Variants in PDE3A observed in about 807,000 individuals in gnomAD.
The protein encoded by PDE3A is cGMP-inhibited 3',5'-cyclic phosphodiesterase 3A.
PDE3A carries 43 observed loss-of-function variants against 98.3 expected under a neutral mutation model. That is an observed-to-expected ratio of 0.44 (90% confidence interval 0.34 to 0.56). The LOEUF (loss-of-function observed/expected upper bound fraction) is 0.56, where lower values mean the gene tolerates loss of function less well. Ranked by LOEUF, PDE3A falls within the 20% of genes least tolerant of loss-of-function variation. The pLI is 0.01. For synonymous variants in PDE3A, 663 were observed against 567.9 expected, an observed-to-expected ratio of 1.17 and a Z score of -2.38; for missense variants, 1,427 against 1,440.7, an observed-to-expected ratio of 0.99 and a Z score of 0.15.
At chr12:20,623,300 G>C (rs901396633) in intron 5 of PDE3A, among the ~76,000 whole-genome samples, 4 of 151,998 alleles carry the variant, frequency 2.6e-5, no homozygotes, top group African/African-American at 9.7e-5. Flanking sequence ...AAAATACTTA[G>C]GTGAAGCCTA....
At chr12:20,383,564 C>T (rs1283059545) in intron 1 of PDE3A, among the ~76,000 whole-genome samples, 1 of 151,938 alleles carries the variant, frequency 6.6e-6, no homozygotes, top group Non-Finnish European at 1.5e-5. Context: ...CAGATTTTTC[C>T]ACTTATTGAA....
Position 20,608,705 on chromosome 12 carries a change from C to A in PDE3A, c.1012-4738C>A, listed in dbSNP as rs376088359. On this transcript the variant is annotated intron_variant, in intron 2 of 15. Transcript: ENST00000359062. The stretch of plus-strand genomic sequence containing the variant: ...ATAAAATGTATTATAAAAAGACACA[C>A]AATTTGATAATTATAAAAAAACTTG... Among the ~76,000 whole-genome samples, 18 of 152,062 alleles carry A rather than the reference C, an allele frequency of 1.2e-4. No homozygotes were observed. The South Asian group carries it at 3.5e-3, about 30-fold the overall frequency.
At chr12:20,609,476 C>G (rs181712479) in intron 2 of PDE3A, among the ~76,000 whole-genome samples, 220 of 151,960 alleles carry the variant, frequency 1.4e-3, no homozygotes, top group African/African-American at 4.9e-3. Flanking sequence ...ATTTATACTA[C>G]CCAAAGAAAT....
intron 15 of PDE3A, among the ~76,000 whole-genome samples, chr12:20,659,864 A>G (rs1010441574): frequency 1.3e-5 from 2 of 152,212 alleles, no homozygotes; most frequent in African/African-American, 4.8e-5. Flanking sequence ...GTGGAACAAA[A>G]ACTAGAGAGA....
At chr12:20,390,467 A>C (rs1943892802) in intron 1 of PDE3A, among the ~76,000 whole-genome samples, 2 of 151,160 alleles carry the variant, frequency 1.3e-5, no homozygotes, top group South Asian at 4.2e-4. Flanking sequence ...GAAAAAAAAA[A>C]AAAAAACTGC....
At chr12:20,594,727 G>A (rs1397028969) in intron 2 of PDE3A, among the ~76,000 whole-genome samples, 1 of 152,032 alleles carries the variant, frequency 6.6e-6, no homozygotes, top group East Asian at 1.9e-4. Flanking sequence ...GTATGTTGGG[G>A]GCTCGCTTGC....
intron 2 of PDE3A, among the ~76,000 whole-genome samples, chr12:20,593,160 G>A (rs1292213626): frequency 6.6e-6 from 1 of 152,152 alleles, no homozygotes; most frequent in Admixed American, 6.5e-5. Flanking sequence ...TATTAAAGTT[G>A]AATCTTGATA....
chr12:20,504,032 T>A (rs1302732354), intron 1 of PDE3A, among the ~76,000 whole-genome samples: 1 of 152,136 alleles, frequency 6.6e-6, no homozygotes, highest in African/African-American at 2.4e-5. Context: ...GGACTTCACG[T>A]TGCATTCATT....
chr12:20,523,367 G>A (rs759000039), intron 1 of PDE3A, among the ~76,000 whole-genome samples: 18 of 152,182 alleles, frequency 1.2e-4, no homozygotes, highest in African/African-American at 1.7e-4. Flanking sequence ...AGAATATGCA[G>A]AGAGCATACA....
chr12:20,627,308 A>C (rs1944287454), intron 5 of PDE3A, among the ~76,000 whole-genome samples: 1 of 152,014 alleles, frequency 6.6e-6, no homozygotes, highest in Non-Finnish European at 1.5e-5. Context: ...TTTTCATTGC[A>C]AAAACCACAA....
intron 1 of PDE3A, among the ~76,000 whole-genome samples, chr12:20,413,933 G>T (rs1421122688): frequency 1.3e-5 from 2 of 152,152 alleles, no homozygotes; most frequent in Non-Finnish European, 2.9e-5. Flanking sequence ...AAACTCATGT[G>T]CTGTAAATTC....
At position 20,468,138 on chromosome 12, in the gene PDE3A, A is replaced by C. The variant is rs575422149; in HGVS notation, c.961-88522A>C. ...TAGCAACATTGTTCTATTAGGATTG[A>C]TTTTGATACATAAATTCATTATGAC... On this transcript the variant is annotated intron_variant, in intron 1 of 15. Coordinates refer to ENST00000359062, the MANE Select transcript of PDE3A (RefSeq NM_000921.5). Among the ~76,000 whole-genome samples the C allele has an allele frequency of 9.2e-4, 140 of 152,136 alleles. 1 individual carries two copies. Among genetic ancestry groups the C allele is most frequent in the African/African-American group, 3.3e-3 (137 of 41,516 alleles).
chr12:20,450,108 C>T (rs1178547651), intron 1 of PDE3A: 3 of 486,778 alleles, frequency 6.2e-6, no homozygotes, highest in Non-Finnish European at 1.1e-5. Context: ...TTTGATGCTG[C>T]TCCTTTCCCA....
chr12:20,370,294 G>C (rs529753896), intron 1 of PDE3A, 50 bp downstream of exon 1: 66 of 1,470,680 alleles, frequency 4.5e-5, no homozygotes, highest in Non-Finnish European at 5.9e-5. Context: ...GAAACACTTG[G>C]CAACCGGCGC....
At chr12:20,533,810 C>T (rs536772379) in intron 1 of PDE3A, among the ~76,000 whole-genome samples, 1 of 152,082 alleles carries the variant, frequency 6.6e-6, no homozygotes, top group South Asian at 2.1e-4. Flanking sequence ...CTGTATCTTT[C>T]TAAAGAATAA....
At chr12:20,461,085 A>G (rs370720257) in intron 1 of PDE3A, among the ~76,000 whole-genome samples, 14 of 152,148 alleles carry the variant, frequency 9.2e-5, no homozygotes, top group African/African-American at 3.4e-4. Context: ...GTGTTTTGCT[A>G]AATTATTTGC....
intron 9 of PDE3A, among the ~76,000 whole-genome samples, chr12:20,638,223 G>A (rs1426357997): frequency 2.6e-5 from 4 of 152,148 alleles, no homozygotes; most frequent in South Asian, 2.1e-4. Context: ...GTGGAACTTC[G>A]TTTGGGGTGA....
intron 1 of PDE3A, among the ~76,000 whole-genome samples, chr12:20,523,049 G>T (rs1475348317): frequency 6.6e-6 from 1 of 152,014 alleles, no homozygotes; most frequent in East Asian, 1.9e-4. Context: ...CCAAGTCCTG[G>T]GGTATACCTG....
At chr12:20,677,650 G>A (rs1050580926) in intron 15 of PDE3A, among the ~76,000 whole-genome samples, 3 of 152,020 alleles carry the variant, frequency 2.0e-5, no homozygotes, top group South Asian at 2.1e-4. Flanking sequence ...TAGTAGAGAC[G>A]GGGTTTTACC....
Sources: gnomAD v4.1 joint callset for allele counts (sites outside exome capture counted in the v4.1 genomes callset) on GRCh38, gnomAD v4.1.1 for gene constraint, MANE v1.5 for transcripts, NCBI Gene and HGNC (gene_info 2026-07-23, HGNC 2026-07-21) for gene names.